Variants in C3orf52 observed in about 807,000 individuals in gnomAD.
The protein encoded by C3orf52 is chromosome 3 open reading frame 52, also known as TPA-induced transmembrane protein.
A neutral mutation model predicts 24.8 loss-of-function variants in C3orf52; 22 were observed. That is an observed-to-expected ratio of 0.89 (90% confidence interval 0.63 to 1.27). The LOEUF (loss-of-function observed/expected upper bound fraction) is 1.27, where lower values mean the gene tolerates loss of function less well. Ranked by LOEUF, C3orf52 falls within the 50% of genes most tolerant of loss-of-function variation. The probability of loss-of-function intolerance (pLI) is 0.00; values close to 1 mark genes in which losing one functional copy is unlikely to be tolerated. For missense variants in C3orf52, 265 were observed against 260.7 expected, an observed-to-expected ratio of 1.02 and a Z score of -0.11; for synonymous variants, 93 against 100.2, an observed-to-expected ratio of 0.93 and a Z score of 0.43.
rs765788718 is a variant in C3orf52, at chr3:112,123,628, C to G, written c.*46+4066C>G. ...AGTGAATACTCAGTCTCAGTTCCTC[C>G]CAAGGACTCTCTGGGTCTCTCAGCT... On this transcript the variant is annotated intron_variant, in intron 4 of 4. Transcript: ENST00000480282. 1.4e-5 allele frequency: 22 copies of G among 1,613,938 alleles called. 1 individual carries two copies. In the Admixed American group the frequency reaches 3.7e-4, roughly 27 times the overall value.
chr3:112,121,376 G>C (rs1209370233), downstream of C3orf52: 1 of 152,168 alleles, frequency 6.6e-6, no homozygotes, highest in African/African-American at 2.4e-5. Context: ...CATCATAAAA[G>C]ATTTTTGTTT....
Position 112,093,398 on chromosome 3 carries a change from T to G in C3orf52, c.177T>G (p.Asn59Lys). Residue 59 changes from asparagine to lysine, a missense_variant, in exon 2 of 6, where the codon AAT (asparagine) becomes AAG (lysine). Asn to Lys is a moderately conservative substitution (Grantham distance 94). Coordinates refer to ENST00000264848, the MANE Select transcript of C3orf52 (RefSeq NM_024616.3). ...GCCCCTGGAGCTCCTGTAATAAGAATGTGGTTGGAAGATGCAAACTGTGGA... is the reference window on the plus strand; with the variant it reads ...GCCCCTGGAGCTCCTGTAATAAGAAGGTGGTTGGAAGATGCAAACTGTGGA... ...KESPWSSCNKNVVGRCKLWMI... is the reference protein window; with the variant it reads ...KESPWSSCNKKVVGRCKLWMI... The G allele has an allele frequency of 6.2e-7, 1 of 1,613,946 alleles. No individual in the cohort carries two copies. The highest frequency in any genetic ancestry group is 1.7e-5 in the Admixed American group (1 of 60,020).
chr3:112,103,782 G>A (rs992030848), intron 3 of C3orf52, among the ~76,000 whole-genome samples: 1 of 152,176 alleles, frequency 6.6e-6, no homozygotes, highest in African/African-American at 2.4e-5. Flanking sequence ...AAAAGCATGG[G>A]ACATTAAAGG....
chr3:112,132,418 C>A (rs899978616), downstream of C3orf52, among the ~76,000 whole-genome samples: 3 of 152,100 alleles, frequency 2.0e-5, no homozygotes, highest in Non-Finnish European at 4.4e-5. Flanking sequence ...TTTGGTGGCA[C>A]GGCTTTGATA....
intron 4 of C3orf52, among the ~76,000 whole-genome samples, chr3:112,123,940 G>A (rs1262887708): frequency 2.0e-5 from 3 of 152,072 alleles, no homozygotes; most frequent in African/African-American, 7.2e-5. Context: ...CAACCACTAG[G>A]CTAGCTGCAA....
chr3:112,102,730 A>G (rs2073984742), intron 2 of C3orf52, 108 bp from the exon 3 acceptor site: 2 of 1,052,902 alleles, frequency 1.9e-6, no homozygotes, highest in Non-Finnish European at 2.7e-6. Context: ...TTTACCCTTG[A>G]TGCTCATAGT....
At chr3:112,111,259 C>T (rs1258821212) in intron 4 of C3orf52, among the ~76,000 whole-genome samples, 1 of 152,166 alleles carries the variant, frequency 6.6e-6, no homozygotes, top group East Asian at 1.9e-4. Flanking sequence ...CATCTCTGCA[C>T]TTTATTTCAA....
intron 3 of C3orf52, 118 bp from the exon 4 acceptor site, chr3:112,109,425 G>T: frequency 1.9e-6 from 1 of 524,168 alleles, no homozygotes; most frequent in Admixed American, 3.3e-5. Flanking sequence ...TCCAGATAAC[G>T]TTGATTCCAG....
In C3orf52 at chr3:112,116,847, C is replaced by G; in HGVS notation, c.*201C>G. 1 of 1,537,530 alleles carries G rather than the reference C, an allele frequency of 6.5e-7. No homozygotes were observed. Among genetic ancestry groups the G allele is most frequent in the South Asian group, 1.2e-5 (1 of 84,066 alleles). On this transcript the variant is annotated 3_prime_UTR_variant, in exon 6 of 6. Transcript: ENST00000264848. ...AAACAGCTCCCGAGCACTGCTTCAG[C>G]TGGGTCCAGTCTTGACAAAGGCAGG...
At chr3:112,130,692 C>A (rs1559987713), downstream of C3orf52, 2 of 620,862 alleles carry the variant, frequency 3.2e-6, no homozygotes, top group East Asian at 5.6e-5. Flanking sequence ...TACCTTTGAT[C>A]TGACATGCTC....
At chr3:112,133,388 A>C (rs1422265881), downstream of C3orf52, 1 of 424,240 alleles carries the variant, frequency 2.4e-6, no homozygotes, top group African/African-American at 2.0e-5. Flanking sequence ...CCCGTCAATG[A>C]GAGCTTCGAA....
At chr3:112,114,736 T>C (rs139255817) in intron 5 of C3orf52, among the ~76,000 whole-genome samples, 96 of 152,162 alleles carry the variant, frequency 6.3e-4, no homozygotes, top group African/African-American at 2.2e-3. Context: ...ACCTTCAGCC[T>C]CCTCCCATGT....
chr3:112,091,629 G>T (rs764097870), intron 1 of C3orf52, among the ~76,000 whole-genome samples: 2 of 152,166 alleles, frequency 1.3e-5, no homozygotes, highest in Non-Finnish European at 2.9e-5. Context: ...CCAGGCTTGG[G>T]CACCTCTAAT....
intron 2 of C3orf52, among the ~76,000 whole-genome samples, chr3:112,101,210 C>T (rs1380376681): frequency 6.6e-6 from 1 of 152,176 alleles, no homozygotes; most frequent in African/African-American, 2.4e-5. Flanking sequence ...TCCTACTGAT[C>T]ACTATGATCT....
chr3:112,127,021 GA>G, intron 4 of C3orf52: 1 of 1,584,814 alleles, frequency 6.3e-7, no homozygotes, highest in Non-Finnish European at 8.6e-7. Context: ...TTTCAAAAAT[GA>G]GTATTTTTTT....
chr3:112,128,009 C>T (rs779981321), intron 4 of C3orf52: 2 of 1,612,388 alleles, frequency 1.2e-6, no homozygotes, highest in South Asian at 2.2e-5. Flanking sequence ...AAACAACTGT[C>T]CACTCACCAT....
Position 112,114,167 on chromosome 3 carries a change from T to C in C3orf52, c.649+1022T>C, listed in dbSNP as rs567516537. ...TGCATAGTACAAGACAAGGTGTTTA[T>C]TATGATGATGACACTGTTTCTTGAG... On this transcript the variant is annotated intron_variant, in intron 5 of 5. Transcript: ENST00000264848. Among the ~76,000 whole-genome samples, 3 of 152,242 alleles carry C rather than the reference T, an allele frequency of 2.0e-5. No homozygotes were observed. The East Asian group carries it at 5.8e-4, about 29-fold the overall frequency.
intron 4 of C3orf52, among the ~76,000 whole-genome samples, chr3:112,110,228 G>A (rs1349711092): frequency 6.6e-6 from 1 of 152,112 alleles, no homozygotes; most frequent in Non-Finnish European, 1.5e-5. Context: ...TACTCAGGAG[G>A]CTGAGGCAGG....
intron 3 of C3orf52, among the ~76,000 whole-genome samples, chr3:112,108,055 A>T (rs952550820): frequency 1.3e-5 from 2 of 152,220 alleles, no homozygotes; most frequent in African/African-American, 4.8e-5. Context: ...CTAGTTTAGG[A>T]TTCAGATATC....
Sources: gnomAD v4.1 joint callset for allele counts (sites outside exome capture counted in the v4.1 genomes callset) on GRCh38, gnomAD v4.1.1 for gene constraint, MANE v1.5 for transcripts, NCBI Gene and HGNC (gene_info 2026-07-23, HGNC 2026-07-21) for gene names.